GDPGP1: variants seen among roughly 807,000 people sequenced by gnomAD.
GDPGP1 encodes the protein GDP-D-glucose phosphorylase C15orf58.
Under a neutral mutation model 19.2 loss-of-function variants are expected in GDPGP1, and 18 were observed. That is an observed-to-expected ratio of 0.94 (90% CI 0.65 to 1.39). The LOEUF is 1.39. Among genes scored for constraint, GDPGP1 ranks in the 40% most tolerant of loss-of-function variants. The pLI is 0.00. For missense variants in GDPGP1, 449 were observed against 490.5 expected (o/e 0.92, Z 0.80); for synonymous variants, 219 against 208.9 (o/e 1.05, Z -0.42).
intron 2 of GDPGP1, among the ~76,000 whole-genome samples, chr15:90,234,875 A>T (rs1962599245): frequency 6.6e-6 from 1 of 152,238 alleles, no homozygotes; most frequent in Non-Finnish European, 1.5e-5. Flanking sequence ...AAATGAATGA[A>T]CGTATACTAT....
Position 90,241,626 on chromosome 15 carries a change from C to T in GDPGP1, c.718C>T (p.Pro240Ser), listed in dbSNP as rs146611941. 5.4e-5 allele frequency: 87 copies of T among 1,614,040 alleles called. 1 individual carries two copies. The highest frequency in any genetic ancestry group is 3.6e-5 in the Non-Finnish European group (42 of 1,180,046). The change falls in exon 4 of 4, where the codon CCT becomes TCT. Residue 240 changes from proline to serine, a missense_variant. Physicochemically the swap from Pro to Ser is moderately conservative, Grantham distance 74. Transcript: ENST00000329600. Reference sequence around the variant, plus strand: ...GCAGGCGCCAAGCGAGCCCCTGGACCCTGGAGGCCATTTGCATCTGCTCCA... The same window carrying T: ...GCAGGCGCCAAGCGAGCCCCTGGACTCTGGAGGCCATTTGCATCTGCTCCA... ...VEQAPSEPLDPGGHLHLLQDL... is the reference protein window; with the variant it reads ...VEQAPSEPLDSGGHLHLLQDL...
At chr15:90,240,839 C>T in intron 3 of GDPGP1, 61 bp from the exon 4 acceptor site, 5 of 1,021,670 alleles carry the variant, frequency 4.9e-6, no homozygotes, top group Non-Finnish European at 1.5e-6. Flanking sequence ...TAAATAAATA[C>T]AATGACAATC....
Position 90,242,246 on chromosome 15 carries a change from C to G in GDPGP1, c.*180C>G. 1 of 319,800 alleles carries G rather than the reference C, an allele frequency of 3.1e-6. No individual in the cohort carries two copies. Among genetic ancestry groups the G allele is most frequent in the East Asian group, 5.1e-5 (1 of 19,800 alleles). 19.8% of individuals were successfully genotyped at this position (319,800 alleles called of 1,614,324 possible). ...GAGACTATAGGCGTGCACCACCACA[C>G]ACCTGGCTTTTTTTTTTTTTTTTTT... On this transcript the variant is annotated 3_prime_UTR_variant, in exon 4 of 4. Coordinates refer to ENST00000329600, the MANE Select transcript of GDPGP1 (RefSeq NM_001013657.3).
intron 3 of GDPGP1, among the ~76,000 whole-genome samples, 173 bp downstream of exon 3, chr15:90,238,721 T>C (rs1401690431): frequency 6.6e-6 from 1 of 152,162 alleles, no homozygotes; most frequent in African/African-American, 2.4e-5. Flanking sequence ...CACCCAAATG[T>C]TTCTATGCAT....
Position 90,242,044 on chromosome 15 carries a change from T to C in GDPGP1, c.1136T>C (p.Leu379Pro). Residue 379 changes from leucine (L) to proline (P), a missense_variant, in exon 4 of 4, where the codon CTG becomes CCG. Leu to Pro is a moderately conservative substitution (Grantham distance 98). Coordinates refer to ENST00000329600, the MANE Select transcript of GDPGP1 (RefSeq NM_001013657.3). ...AEDVQAALVALMSQEEQ is the reference protein window; with the variant it reads ...AEDVQAALVAPMSQEEQ ...GACGTACAGGCAGCACTGGTGGCCC[T>C]GATGTCCCAGGAAGAGCAATAATAC... is the stretch of plus-strand genomic sequence containing the variant. The C allele has an allele frequency of 6.2e-7, 1 of 1,608,466 alleles. No homozygotes were observed. The highest frequency in any genetic ancestry group is 8.5e-7 in the Non-Finnish European group (1 of 1,177,304).
intron 2 of GDPGP1, among the ~76,000 whole-genome samples, 195 bp from the exon 3 acceptor site, chr15:90,238,297 C>G (rs936715373): frequency 6.6e-6 from 1 of 151,972 alleles, no homozygotes; most frequent in Non-Finnish European, 1.5e-5. Flanking sequence ...GAGATTCTGT[C>G]TTTAAAAAAA....
Position 90,241,526 on chromosome 15 carries a change from C to A in GDPGP1, c.618C>A (p.Asn206Lys). Residue 206 changes from asparagine (N) to lysine (K), a missense_variant, in exon 4 of 4, where the codon AAC becomes AAA. Coordinates refer to ENST00000329600, the MANE Select transcript of GDPGP1 (RefSeq NM_001013657.3). ...ACCCGGGCTTCCGTGTCGGCTTCAA[C>A]AGCCTGGGAGGCTTGGCCTCGGTGA... ...SLHPGFRVGF[N>K]SLGGLASVNH... The A allele has an allele frequency of 6.2e-7, 1 of 1,613,618 alleles. No homozygotes were observed. Among genetic ancestry groups the A allele is most frequent in the Non-Finnish European group, 8.5e-7 (1 of 1,180,042 alleles).
At chr15:90,238,634 G>C (rs1362973454) in intron 3 of GDPGP1, 86 bp downstream of exon 3, 1 of 152,154 alleles carries the variant, frequency 6.6e-6, no homozygotes, top group African/African-American at 2.4e-5. Flanking sequence ...AGGCAGCCAG[G>C]GGAAGATGAA....
chr15:90,240,877 T>C, intron 3 of GDPGP1, 23 bp from the exon 4 acceptor site: 1 of 1,507,520 alleles, frequency 6.6e-7, no homozygotes, highest in Non-Finnish European at 9.2e-7. Context: ...ATCATGTGTT[T>C]TCATCTTTTA....
chr15:90,237,161 A>C (rs1478914923), intron 2 of GDPGP1, among the ~76,000 whole-genome samples: 1 of 151,650 alleles, frequency 6.6e-6, no homozygotes, highest in African/African-American at 2.4e-5. Context: ...GGGTTTCACC[A>C]TATTGGCCAG....
At chr15:90,235,863 C>T (rs1158611560) in intron 2 of GDPGP1, among the ~76,000 whole-genome samples, 4 of 152,014 alleles carry the variant, frequency 2.6e-5, no homozygotes, top group African/African-American at 4.8e-5. Flanking sequence ...CCACCGTGCC[C>T]GGCCGATCAT....
At position 90,241,955 on chromosome 15, in the gene GDPGP1, C is replaced by T. The variant is rs1479800912; in HGVS notation, c.1047C>T (p.Ser349=). ...TCAAAACATCCCAGGACTTCAGCAG[C>T]CTGACAGAGGCAGCTGCTGTGGCCC... The part of the protein sequence containing the change: ...LPVKTSQDFS[S]LTEAAAVALI... The change falls in exon 4 of 4, where the codon AGC becomes AGT. Residue 349 remains serine (S), a synonymous_variant. Transcript: ENST00000329600. The T allele has an allele frequency of 3.7e-6, 6 of 1,614,076 alleles. No individual in the cohort carries two copies. Among genetic ancestry groups the T allele is most frequent in the Non-Finnish European group, 3.4e-6 (4 of 1,180,052 alleles).
Position 90,241,678 on chromosome 15 carries a change from T to C in GDPGP1, c.770T>C (p.Phe257Ser). The change falls in exon 4 of 4, where the codon TTT becomes TCT. Residue 257 changes from phenylalanine to serine, a missense_variant. Physicochemically the swap from Phe to Ser is radical, Grantham distance 155 (BLOSUM62 -2). Coordinates refer to ENST00000329600, the MANE Select transcript of GDPGP1 (RefSeq NM_001013657.3). The stretch of plus-strand genomic sequence containing the variant: ...GACCTCCCAGCTCCTGGCTTCCTCT[T>C]TTACACTCGTGGGCCAGGGCCTGAC... ...LQDLPAPGFL[F>S]YTRGPGPDLE... The C allele has an allele frequency of 6.2e-7, 1 of 1,614,190 alleles. No individual in the cohort carries two copies. The highest frequency in any genetic ancestry group is 2.2e-5 in the East Asian group (1 of 44,884).
intron 2 of GDPGP1, among the ~76,000 whole-genome samples, chr15:90,237,517 C>G (rs1487805543): frequency 6.6e-6 from 1 of 152,104 alleles, no homozygotes; most frequent in Non-Finnish European, 1.5e-5. Context: ...GTATCTTGAC[C>G]TCGTGATTCA....
In GDPGP1 at chr15:90,241,099, G is replaced by T. The variant is rs753494198; in HGVS notation, c.191G>T (p.Cys64Phe). The T allele has an allele frequency of 2.5e-6, 4 of 1,614,160 alleles. No homozygotes were observed. In the Admixed American group the frequency reaches 6.7e-5, roughly 27 times the overall value. Residue 64 changes from cysteine to phenylalanine, a missense_variant, in exon 4 of 4, where the codon TGC becomes TTC. Transcript: ENST00000329600. ...LPQSPFDAAL[C>F]SAWKQRVELG... ...CAATCTCCCTTTGATGCTGCACTCT[G>T]CTCTGCCTGGAAGCAGCGGGTGGAG...
In GDPGP1 at chr15:90,241,631, A is replaced by T; in HGVS notation, c.723A>T (p.Gly241=). The T allele has an allele frequency of 6.2e-7, 1 of 1,614,134 alleles. No individual in the cohort carries two copies. Among genetic ancestry groups the T allele is most frequent in the Non-Finnish European group, 8.5e-7 (1 of 1,180,028 alleles). ...EQAPSEPLDP[G]GHLHLLQDLP... ...CGCCAAGCGAGCCCCTGGACCCTGG[A>T]GGCCATTTGCATCTGCTCCAGGACC... Residue 241 remains glycine (G), a synonymous_variant, in exon 4 of 4, where the codon GGA becomes GGT. Coordinates refer to ENST00000329600, the MANE Select transcript of GDPGP1 (RefSeq NM_001013657.3).
In GDPGP1 at chr15:90,243,785, G is replaced by C. The variant is rs1256148224; in HGVS notation, c.*1719G>C. ...CCATCTCAGCCTCCCTAGTAGCTGG[G>C]ACCACAGGCATGCGCCACCACACCC... On this transcript the variant is annotated 3_prime_UTR_variant, in exon 4 of 4. Coordinates refer to ENST00000329600, the MANE Select transcript of GDPGP1 (RefSeq NM_001013657.3). 6.7e-6 allele frequency: 1 copy of C among 149,826 alleles called. No homozygotes were observed. Among genetic ancestry groups the C allele is most frequent in the East Asian group, 2.0e-4 (1 of 5,118 alleles). The allele number at this position is 149,826 out of a possible 1,614,324, so 9.3% of individuals were successfully genotyped here.
chr15:90,237,520 G>A (rs997813879), intron 2 of GDPGP1, among the ~76,000 whole-genome samples: 5 of 151,936 alleles, frequency 3.3e-5, no homozygotes, highest in Admixed American at 6.6e-5. Flanking sequence ...TCTTGACCTC[G>A]TGATTCACCT....
rs1962770730 is a variant in GDPGP1, at chr15:90,241,882, G to A, written c.974G>A (p.Gly325Asp). ...AAGTCCAGCTTTGGGATAAAGGACG[G>A]TGAAGCTTTCAATGTTGCCCTCTGT... ...ARKSSFGIKD[G>D]EAFNVALCEL... Residue 325 changes from glycine (G) to aspartate (D), a missense_variant, in exon 4 of 4, where the codon GGT becomes GAT. Transcript: ENST00000329600. The A allele has an allele frequency of 6.2e-7, 1 of 1,614,042 alleles. No individual in the cohort carries two copies. Among genetic ancestry groups the A allele is most frequent in the Admixed American group, 1.7e-5 (1 of 59,986 alleles).
Sources: gnomAD v4.1 joint callset for allele counts (sites outside exome capture counted in the v4.1 genomes callset) on GRCh38, gnomAD v4.1.1 for gene constraint, MANE v1.5 for transcripts, NCBI Gene and HGNC (gene_info 2026-07-23, HGNC 2026-07-21) for gene names.